Variants in NEMP2 observed in about 807,000 individuals in gnomAD.
NEMP2 encodes the protein nuclear envelope integral membrane protein 2.
NEMP2 carries 53 observed loss-of-function variants against 54.2 expected under a neutral mutation model. The ratio of observed to expected loss-of-function variants is 0.98; its 90% CI spans 0.78 to 1.23. The LOEUF is 1.23. Among genes scored for constraint, NEMP2 ranks in the 50% most tolerant of loss-of-function variants. NEMP2 has a pLI of 0.00. For missense variants in NEMP2, 455 were observed against 511.3 expected (o/e 0.89, Z 1.06); for synonymous variants, 197 against 190.3 (o/e 1.04, Z -0.29).
the NEMP2 span, chr2:190,464,860 G>C: frequency 6.5e-5 from 51 of 779,026 alleles, no homozygotes; most frequent in Non-Finnish European, 7.7e-5. Context: ...CTTAATAAAT[G>C]TTTATTGAGC....
At chr2:190,486,273 T>C in the NEMP2 span, among the ~76,000 whole-genome samples, 3 of 152,224 alleles carry the variant, frequency 2.0e-5, no homozygotes, top group African/African-American at 4.8e-5. Context: ...TTCTGGGTAT[T>C]GTTCTCTGAA....
chr2:190,471,674 A>G, the NEMP2 span, among the ~76,000 whole-genome samples: 1 of 152,236 alleles, frequency 6.6e-6, no homozygotes. This position sits in a 1 kb window ranked among gnomAD's most constrained non-coding sequence, Gnocchi z 4.7. Context: ...GGGGCAGAGC[A>G]TAGCCAAACA....
the NEMP2 span, chr2:190,437,119 G>A: frequency 6.2e-6 from 10 of 1,614,210 alleles, no homozygotes; most frequent in Middle Eastern, 3.3e-4. The surrounding 1 kb of genome is among the most constrained non-coding windows in gnomAD (Gnocchi z 5.9). Flanking sequence ...TAAGCCCCCC[G>A]AGTACAGGAA....
chr2:190,559,058 T>C, the NEMP2 span, among the ~76,000 whole-genome samples: 1 of 152,104 alleles, frequency 6.6e-6, no homozygotes, highest in Non-Finnish European at 1.5e-5. This position sits in a 1 kb window ranked among gnomAD's most constrained non-coding sequence, Gnocchi z 4.0. Flanking sequence ...GTAAGAAGGA[T>C]GGTAGAAGGG....
At chr2:190,563,072 A>G in the NEMP2 span, among the ~76,000 whole-genome samples, 4 of 152,240 alleles carry the variant, frequency 2.6e-5, no homozygotes, top group African/African-American at 9.6e-5. The surrounding 1 kb of genome is among the most constrained non-coding windows in gnomAD (Gnocchi z 4.3). Flanking sequence ...CATTATCAGC[A>G]AAGCTTTGCT....
chr2:190,522,356 A>G lies in NEMP2; in HGVS notation c.213+2907T>C, dbSNP rs893035761. Among the ~76,000 whole-genome samples, 1 of 152,056 alleles carries G rather than the reference A, an allele frequency of 6.6e-6. No homozygotes were observed. The highest frequency in any genetic ancestry group is 6.6e-5 in the Admixed American group (1 of 15,264). ...ATCCATGTGACAAACCTGCACATGTACCCCCAAATCTAAAAAATTAAAAAT... is the reference window on the plus strand; with the variant it reads ...ATCCATGTGACAAACCTGCACATGTGCCCCCAAATCTAAAAAATTAAAAAT... On this transcript the variant is annotated intron_variant, in intron 2 of 8. Coordinates refer to ENST00000409150, the MANE Select transcript of NEMP2 (RefSeq NM_001142645.2). The surrounding 1 kb of genome is among the most constrained non-coding windows in gnomAD (Gnocchi z 5.0).
At chr2:190,572,800 T>C in the NEMP2 span, among the ~76,000 whole-genome samples, 1 of 129,386 alleles carries the variant, frequency 7.7e-6, no homozygotes, top group Non-Finnish European at 1.6e-5. Context: ...TTCTTCACTA[T>C]TACAAACAAC....
chr2:190,464,979 A>G, the NEMP2 span: 3 of 840,396 alleles, frequency 3.6e-6, no homozygotes, highest in Non-Finnish European at 4.3e-6. Context: ...CTCACAACTA[A>G]CTACACTGTT....
At chr2:190,435,841 A>C in the NEMP2 span, 1 of 763,084 alleles carries the variant, frequency 1.3e-6, no homozygotes, top group African/African-American at 1.7e-5. Flanking sequence ...GTGTGGCTGC[A>C]AGTGATAAAT....
At chr2:190,497,811 G>C in the NEMP2 span, 1 of 1,407,180 alleles carries the variant, frequency 7.1e-7, no homozygotes, top group South Asian at 1.4e-5. This position sits in a 1 kb window ranked among gnomAD's most constrained non-coding sequence, Gnocchi z 5.2. Context: ...CATTCAACAA[G>C]ATTTATTGAA....
At chr2:190,498,788 C>T in the NEMP2 span, among the ~76,000 whole-genome samples, 1 of 152,146 alleles carries the variant, frequency 6.6e-6, no homozygotes, top group Non-Finnish European at 1.5e-5. The surrounding 1 kb of genome is among the most constrained non-coding windows in gnomAD (Gnocchi z 5.9). Flanking sequence ...TGTACTCATC[C>T]TCATTTTCAC....
chr2:190,647,710 C>CTTTTTTTTTTTT, the NEMP2 span, among the ~76,000 whole-genome samples: 17 of 102,380 alleles, frequency 1.7e-4, no homozygotes, highest in Admixed American at 2.5e-4. Flanking sequence ...TCTTCTTCTT[C>CTTTTTTTTTTTT]TTTTTTTTTT....
chr2:190,517,467 G>T, intron 5 of NEMP2, 53 bp downstream of exon 5: 1 of 1,254,090 alleles, frequency 8.0e-7, no homozygotes, highest in Non-Finnish European at 1.1e-6. Context: ...AATTTTTCAT[G>T]TCTGTAAGAT....
At chr2:190,553,663 C>T in the NEMP2 span, among the ~76,000 whole-genome samples, 2 of 152,184 alleles carry the variant, frequency 1.3e-5, no homozygotes, top group African/African-American at 2.4e-5. Flanking sequence ...ACAAAATCTG[C>T]GTGTTGCTGA....
At chr2:190,636,131 T>C in the NEMP2 span, among the ~76,000 whole-genome samples, 103 of 152,318 alleles carry the variant, frequency 6.8e-4, 1 homozygote, top group Middle Eastern at 3.4e-3. Context: ...TCCCAAAATA[T>C]TGGAATTAAA....
In NEMP2 at chr2:190,510,363, G is replaced by A; in HGVS notation, c.1128C>T (p.Ser376=). The A allele has an allele frequency of 3.2e-6, 5 of 1,551,680 alleles. No individual in the cohort carries two copies. Among genetic ancestry groups the A allele is most frequent in the Non-Finnish European group, 4.4e-6 (5 of 1,146,988 alleles). The change falls in exon 8 of 9, where the codon AGC becomes AGT. Residue 376 remains serine (S), a splice_region_variant and synonymous_variant. Coordinates refer to ENST00000409150, the MANE Select transcript of NEMP2 (RefSeq NM_001142645.2). This position sits in a 1 kb window ranked among gnomAD's most constrained non-coding sequence, Gnocchi z 5.7. ...WLVVSRLHTP[S]KFADFVLGGS... ...CCGAGCAGCAGAGCGGGACTTACTT[G>A]CTAGGAGTGTGGAGTCTGGAGACGA...
chr2:190,483,527 G>A, the NEMP2 span, among the ~76,000 whole-genome samples: 1 of 152,106 alleles, frequency 6.6e-6, no homozygotes, highest in African/African-American at 2.4e-5. Flanking sequence ...TGTAGAGTAA[G>A]CTGATGTGAT....
upstream of NEMP2, among the ~76,000 whole-genome samples, chr2:190,539,131 G>A (rs552393326): frequency 2.0e-5 from 3 of 152,220 alleles, no homozygotes; most frequent in Admixed American, 2.0e-4. This position sits in a 1 kb window ranked among gnomAD's most constrained non-coding sequence, Gnocchi z 4.1. Context: ...TTTCTATATG[G>A]TAAGATATAG....
At chr2:190,621,849 C>T in the NEMP2 span, among the ~76,000 whole-genome samples, 1 of 152,206 alleles carries the variant, frequency 6.6e-6, no homozygotes. Flanking sequence ...TGGCTCATGC[C>T]TGTAATCCCA....
Sources: gnomAD v4.1 joint callset for allele counts (sites outside exome capture counted in the v4.1 genomes callset) on GRCh38, gnomAD v4.1.1 for gene constraint, Gnocchi (gnomAD v3.1) non-coding constraint, MANE v1.5 for transcripts, NCBI Gene and HGNC (gene_info 2026-07-23, HGNC 2026-07-21) for gene names.